The following LARP1 variants were observed in gnomAD, a reference collection of about 807,000 sequenced individuals.
The protein encoded by LARP1 is la-related protein 1.
In LARP1, 36 loss-of-function variants were observed where a neutral mutation model predicts 122.7. The ratio of observed to expected loss-of-function variants is 0.29; its 90% CI spans 0.22 to 0.39. The LOEUF is 0.39. LARP1 is among the 10% of genes least tolerant of loss of function. LARP1 has a pLI of 1.00. For missense variants in LARP1, 1,040 were observed against 1,403.6 expected (o/e 0.74, Z 4.14); for synonymous variants, 539 against 528.7 (o/e 1.02, Z -0.27).
rs367732054 is a variant in LARP1 at position 154,802,263 on chromosome 5, G to C, written c.1973G>C (p.Gly658Ala). ...QTPHYMRRHP[G>A]GDRTGNHTSR... ...CCACATTACATGCGCCGGCACCCAG[G>C]GGGGGACCGCACAGGCAACCACACC... Residue 658 changes from glycine (G) to alanine (A), a missense_variant, in exon 11 of 19, where the codon GGG becomes GCG. Physicochemically the swap from Gly to Ala is moderately conservative, Grantham distance 60. Transcript: ENST00000518297. The surrounding 1 kb of genome is among the most constrained non-coding windows in gnomAD (Gnocchi z 5.1). 5.3e-5 allele frequency: 86 copies of C among 1,614,036 alleles called. No individual in the cohort carries two copies. Among genetic ancestry groups the C allele is most frequent in the South Asian group, 3.6e-4 (33 of 91,080 alleles).
intron 3 of LARP1, 95 bp from the exon 4 acceptor site, chr5:154,792,527 G>T: frequency 9.0e-7 from 1 of 1,109,010 alleles, no homozygotes; most frequent in Non-Finnish European, 1.3e-6. Context: ...GCATGCTGTG[G>T]CTCCTGCCTG....
At chr5:154,753,507 T>G (rs558446944), upstream of LARP1, among the ~76,000 whole-genome samples, 1 of 152,226 alleles carries the variant, frequency 6.6e-6, no homozygotes, top group Non-Finnish European at 1.5e-5. Flanking sequence ...TAAGAGTACA[T>G]GTAATGAACT....
chr5:154,723,560 G>C (rs6580111), intron 1 of LARP1, among the ~76,000 whole-genome samples: 113,741 of 152,066 alleles, frequency 0.75, 42,851 homozygotes, highest in African/African-American at 0.85. Context: ...TTCTAGTTCT[G>C]GCTGTACCAC....
At chr5:154,800,089 G>C (rs752577451) in intron 10 of LARP1, 47 bp downstream of exon 10, 3 of 1,582,166 alleles carry the variant, frequency 1.9e-6, no homozygotes, top group African/African-American at 1.3e-5. Context: ...CTCTGAGCTA[G>C]GGTGCTTGAA....
At position 154,790,160 on chromosome 5, in the gene LARP1, G is replaced by A. The variant is rs562869224; in HGVS notation, c.437-165G>A. Among the ~76,000 whole-genome samples, 8 of 152,296 alleles carry A rather than the reference G, an allele frequency of 5.3e-5. No individual in the cohort carries two copies. In the South Asian group the frequency reaches 1.2e-3, roughly 24 times the overall value. On this transcript the variant is annotated intron_variant, in intron 1 of 18. Transcript: ENST00000518297. ...TCTTCAGGAGTGGGCTGGTAAAATTGTTATTGGTGTTTGAGCACGTGTCTT... is the reference window on the plus strand; with the variant it reads ...TCTTCAGGAGTGGGCTGGTAAAATTATTATTGGTGTTTGAGCACGTGTCTT...
intron 1 of LARP1, among the ~76,000 whole-genome samples, chr5:154,698,097 G>T (rs190975139): frequency 8.6e-4 from 130 of 151,942 alleles, no homozygotes; most frequent in African/African-American, 3.1e-3. Flanking sequence ...TTAGCAAGTC[G>T]TACACTTTGT....
Position 154,799,625 on chromosome 5 carries a change from A to G in LARP1, c.1412A>G (p.Asp471Gly). Residue 471 changes from aspartate (D) to glycine (G), a missense_variant, in exon 9 of 19, where the codon GAT becomes GGT. Around this residue, in one of 8 missense-constraint regions of LARP1, gnomAD observed 362 missense variants for 533.1 expected, o/e 0.68. Transcript: ENST00000518297. ...LKDSKVVEIV[D>G]EKVRRREEPE... ...GACAGCAAGGTGGTGGAGATCGTTGATGAGAAAGTTCGTAGGAGGGAGGAA... is the reference window on the plus strand; with the variant it reads ...GACAGCAAGGTGGTGGAGATCGTTGGTGAGAAAGTTCGTAGGAGGGAGGAA... The G allele has an allele frequency of 6.2e-7, 1 of 1,614,076 alleles. No homozygotes were observed.
chr5:154,720,448 C>T lies in LARP1; in HGVS notation c.205+7318C>T, dbSNP rs967667862. 3.3e-5 allele frequency among the ~76,000 whole-genome samples: 5 copies of T among 152,118 alleles called. No individual in the cohort carries two copies. In the South Asian group the frequency reaches 6.2e-4, roughly 19 times the overall value. On this transcript the variant is annotated intron_variant, in intron 1 of 18. Transcript: ENST00000336314. ...GGAAAACAGAGGCTAGGTGTAGTGG[C>T]TCACACCTGTAATTCCAACATCTTG...
intron 1 of LARP1, among the ~76,000 whole-genome samples, chr5:154,706,631 A>G (rs1195551330): frequency 6.6e-6 from 1 of 151,972 alleles, no homozygotes; most frequent in Non-Finnish European, 1.5e-5. Flanking sequence ...ATGGGTGATT[A>G]AATAATCTGT....
At chr5:154,741,525 G>A (rs1369693053) in intron 1 of LARP1, among the ~76,000 whole-genome samples, 1 of 152,188 alleles carries the variant, frequency 6.6e-6, no homozygotes, top group Non-Finnish European at 1.5e-5. Flanking sequence ...TGGTCCCTCT[G>A]AGAAGGGGCC....
At chr5:154,795,459 C>T in intron 8 of LARP1, 140 bp downstream of exon 8, 1 of 736,822 alleles carries the variant, frequency 1.4e-6, no homozygotes, top group South Asian at 1.9e-5. Context: ...CTAGTCTCCT[C>T]CTCTCCCTCC....
chr5:154,756,119 C>G lies in LARP1; in HGVS notation c.362C>G (p.Pro121Arg). Residue 121 changes from proline (P) to arginine (R), a missense_variant, in exon 1 of 19, where the codon CCG becomes CGG. Transcript: ENST00000518297. Reference protein sequence around the residue: ...AGRRDFVEAPPPKVNPWTKNA... With the variant: ...AGRRDFVEAPRPKVNPWTKNA... Reference sequence around the variant, plus strand: ...CGCCGGGACTTCGTGGAAGCCCCCCCGCCCAAGGTGAACCCGTGGACTAAG... The same window carrying G: ...CGCCGGGACTTCGTGGAAGCCCCCCGGCCCAAGGTGAACCCGTGGACTAAG... 8.0e-7 allele frequency: 1 copy of G among 1,249,594 alleles called. No homozygotes were observed. The highest frequency in any genetic ancestry group is 1.0e-6 in the Non-Finnish European group (1 of 966,740). The allele number at this position is 1,249,594 out of a possible 1,614,324, so 77.4% of individuals were successfully genotyped here.
chr5:154,804,128 T>G, intron 13 of LARP1, 73 bp from the exon 14 acceptor site: 2 of 1,059,932 alleles, frequency 1.9e-6, no homozygotes, highest in South Asian at 2.6e-5. Context: ...CCCATCTTAG[T>G]CCTACAAGTG....
intron 1 of LARP1, chr5:154,685,941 T>C (rs942175049): frequency 2.1e-6 from 1 of 478,914 alleles, no homozygotes. Context: ...ATTCGGTTAA[T>C]CCTCCTTTGC....
At chr5:154,812,128 G>T (rs1178358717) in intron 18 of LARP1, among the ~76,000 whole-genome samples, 2 of 152,294 alleles carry the variant, frequency 1.3e-5, no homozygotes, top group Non-Finnish European at 2.9e-5. Flanking sequence ...AATTGATTCA[G>T]CAGATACTGA....
At chr5:154,757,877 C>T (rs2059297090) in intron 1 of LARP1, among the ~76,000 whole-genome samples, 1 of 97,480 alleles carries the variant, frequency 1.0e-5, no homozygotes, top group Non-Finnish European at 2.1e-5. Flanking sequence ...CCCCTCCTCC[C>T]CTTCCCCCTT....
chr5:154,803,856 C>A lies in LARP1; in HGVS notation c.2439+111C>A. 8.9e-7 allele frequency: 1 copy of A among 1,122,896 alleles called. No individual in the cohort carries two copies. The highest frequency in any genetic ancestry group is 1.3e-6 in the Non-Finnish European group (1 of 768,116). 69.6% of individuals were successfully genotyped at this position (1,122,896 alleles called of 1,614,324 possible). A position where few individuals can be genotyped will look rare whatever the true frequency, so the allele number is the denominator to read the frequency against. On this transcript the variant is annotated intron_variant, in intron 13 of 18. Coordinates refer to ENST00000518297, the MANE Select transcript of LARP1 (RefSeq NM_033551.3). This position sits in a 1 kb window ranked among gnomAD's most constrained non-coding sequence, Gnocchi z 4.4. The stretch of plus-strand genomic sequence containing the variant: ...AGCTAAGGAAGTGCTAAATCCTTCA[C>A]CTGCTCTGTGTTCTGAGGCTGGTGG...
intron 3 of LARP1, among the ~76,000 whole-genome samples, chr5:154,791,624 C>T (rs1757361472): frequency 6.6e-6 from 1 of 152,172 alleles, no homozygotes; most frequent in South Asian, 2.1e-4. Context: ...GTACAGTTTT[C>T]CTGTGTTATA....
chr5:154,710,793 G>A (rs2113289629), upstream of LARP1, among the ~76,000 whole-genome samples: 1 of 149,360 alleles, frequency 6.7e-6, no homozygotes, highest in African/African-American at 2.5e-5. Context: ...TACAAACACA[G>A]GATTATGCAT....
Sources: gnomAD v4.1 joint callset for allele counts (sites outside exome capture counted in the v4.1 genomes callset) on GRCh38, gnomAD v4.1.1 for gene constraint, gnomAD v4.1.1 regional missense constraint, Gnocchi (gnomAD v3.1) non-coding constraint, MANE v1.5 for transcripts, NCBI Gene and HGNC (gene_info 2026-07-23, HGNC 2026-07-21) for gene names.